KANK2: variants seen among roughly 807,000 people sequenced by gnomAD.
The protein encoded by KANK2 is KN motif and ankyrin repeat domain-containing protein 2.
In KANK2, 41 loss-of-function variants were observed where a neutral mutation model predicts 74.6. The observed-to-expected ratio is 0.55, with a 90% CI of 0.43 to 0.71. KANK2 has a LOEUF of 0.71. KANK2 is among the 30% of genes least tolerant of loss of function. The probability of loss-of-function intolerance (pLI) is 0.00; values close to 1 mark genes in which losing one functional copy is unlikely to be tolerated. For synonymous variants in KANK2, 537 were observed against 519.0 expected, an observed-to-expected ratio of 1.03 and a Z score of -0.47; for missense variants, 1,148 against 1,196.4, an observed-to-expected ratio of 0.96 and a Z score of 0.60.
At chr19:11,180,142 C>T (rs138916870) in intron 4 of KANK2, among the ~76,000 whole-genome samples, 181 of 152,284 alleles carry the variant, frequency 1.2e-3, no homozygotes, top group Admixed American at 2.0e-3. Flanking sequence ...GGAGCAGCAC[C>T]GCCCAGCCCA....
At chr19:11,173,219 T>C (rs1600808332) in intron 9 of KANK2, 96 bp from the exon 10 acceptor site, 1 of 1,330,214 alleles carries the variant, frequency 7.5e-7, no homozygotes, top group South Asian at 1.5e-5. Context: ...AGTCTAGGCA[T>C]GCCCTAATCC....
At chr19:11,179,445 T>C (rs2078447707) in intron 4 of KANK2, among the ~76,000 whole-genome samples, 1 of 151,548 alleles carries the variant, frequency 6.6e-6, no homozygotes, top group South Asian at 2.1e-4. Context: ...AAGACCAGCC[T>C]GGCCAACATG....
chr19:11,179,226 G>A (rs908292569), intron 4 of KANK2, among the ~76,000 whole-genome samples: 2 of 151,634 alleles, frequency 1.3e-5, no homozygotes, highest in African/African-American at 4.9e-5. Flanking sequence ...TGAGGCAGGA[G>A]AATTGCTTGA....
rs867074603 is a variant in KANK2, at chr19:11,193,856, C to T, written c.224G>A (p.Arg75His). The part of the protein sequence containing the change: ...QRRPRLSSLP[R>H]GPGSWWTSTE... ...GGACGTCCACCAGGAGCCAGGGCCA[C>T]GGGGCAGCGAGCTCAGGCGGGGGCG... is the stretch of plus-strand genomic sequence containing the variant. Residue 75 changes from arginine (R) to histidine (H), a missense_variant, in exon 4 of 13, where the codon CGT becomes CAT. Transcript: ENST00000586659. This position sits in a 1 kb window ranked among gnomAD's most constrained non-coding sequence, Gnocchi z 9.6. 40 of 1,612,660 alleles carry T rather than the reference C, an allele frequency of 2.5e-5. No individual in the cohort carries two copies. The highest frequency in any genetic ancestry group is 4.4e-5 in the South Asian group (4 of 91,046).
At chr19:11,196,581 C>T (rs1212415358) in intron 1 of KANK2, 3 of 152,198 alleles carry the variant, frequency 2.0e-5, no homozygotes, top group African/African-American at 7.2e-5. Flanking sequence ...TATCTCTACC[C>T]GTTTCCCAGA....
In KANK2 at chr19:11,178,456, G is replaced by A. The variant is rs1214520511; in HGVS notation, c.1418-9C>T. 2 of 1,599,046 alleles carry A rather than the reference G, an allele frequency of 1.3e-6. No individual in the cohort carries two copies. Among genetic ancestry groups the A allele is most frequent in the Non-Finnish European group, 1.7e-6 (2 of 1,174,606 alleles). ...GCCTGCCGGGGGCCCGCCTGGAGGG[G>A]AGGACAGCGGAGGTGCTGTGAGAGT... On this transcript the variant is annotated splice_polypyrimidine_tract_variant and intron_variant, in intron 5 of 12. Coordinates refer to ENST00000586659, the MANE Select transcript of KANK2 (RefSeq NM_001136191.3).
At chr19:11,179,044 G>A (rs145794881) in intron 4 of KANK2, among the ~76,000 whole-genome samples, 2,198 of 152,208 alleles carry the variant, frequency 0.014, 48 homozygotes, top group African/African-American at 0.049. Context: ...GGCCGGGCAC[G>A]GTGACTCATG....
intron 4 of KANK2, 29 bp downstream of exon 4, chr19:11,192,802 T>G (rs369287100): frequency 5.7e-5 from 74 of 1,287,670 alleles, no homozygotes; most frequent in Middle Eastern, 2.0e-4. Context: ...CCCCAAGCCA[T>G]TCTCCCCTGC....
At chr19:11,179,543 CAGG>C (rs2078451160) in intron 4 of KANK2, among the ~76,000 whole-genome samples, 1 of 150,578 alleles carries the variant, frequency 6.6e-6, no homozygotes, top group Non-Finnish European at 1.5e-5. Flanking sequence ...GAGGCTGAGG[CAGG>C]AGAATTGCTT....
Position 11,193,850 on chromosome 19 carries a change from G to A in KANK2, c.230C>T (p.Pro77Leu). The A allele has an allele frequency of 1.2e-6, 2 of 1,612,790 alleles. No individual in the cohort carries two copies. Among genetic ancestry groups the A allele is most frequent in the Non-Finnish European group, 1.7e-6 (2 of 1,179,536 alleles). ...RPRLSSLPRG[P>L]GSWWTSTESL... ...CTCAGTGGACGTCCACCAGGAGCCA[G>A]GGCCACGGGGCAGCGAGCTCAGGCG... Residue 77 changes from proline (P) to leucine (L), a missense_variant, in exon 4 of 13, where the codon CCT (proline) becomes CTT (leucine). Transcript: ENST00000586659. The surrounding 1 kb of genome is among the most constrained non-coding windows in gnomAD (Gnocchi z 9.6).
At chr19:11,179,738 G>A (rs1011801650) in intron 4 of KANK2, among the ~76,000 whole-genome samples, 8 of 152,164 alleles carry the variant, frequency 5.3e-5, no homozygotes, top group African/African-American at 1.4e-4. Flanking sequence ...GTTGGTCTGA[G>A]GACAAAGGTG....
chr19:11,192,846 A>G lies in KANK2; in HGVS notation c.1234T>C (p.Cys412Arg), dbSNP rs1212246568. The G allele has an allele frequency of 1.3e-6, 2 of 1,551,158 alleles. No individual in the cohort carries two copies. The highest frequency in any genetic ancestry group is 1.4e-5 in the African/African-American group (1 of 71,600). Residue 412 changes from cysteine to arginine, a missense_variant, in exon 4 of 13, where the codon TGC becomes CGC. Coordinates refer to ENST00000586659, the MANE Select transcript of KANK2 (RefSeq NM_001136191.3). ...VKKISITERS[C>R]DGAAGLPEVP... ...GACCGCTTACCTGCTGCTCCATCGC[A>G]GCTTCGCTCTGTGATGCTAATCTTC...
intron 12 of KANK2, chr19:11,169,585 G>C (rs1312627346): frequency 7.5e-6 from 4 of 531,150 alleles, no homozygotes; most frequent in Non-Finnish European, 1.3e-5. Flanking sequence ...GGTGGATCAC[G>C]AGGTCAGGAG....
chr19:11,174,720 G>A (rs1431413632), intron 8 of KANK2, 28 bp from the exon 9 acceptor site: 3 of 1,545,070 alleles, frequency 1.9e-6, no homozygotes, highest in Admixed American at 1.9e-5. Flanking sequence ...GGGAGAGGAT[G>A]TGAGGGCGGG....
At chr19:11,172,927 A>G in intron 10 of KANK2, 54 bp downstream of exon 10, 3 of 1,584,682 alleles carry the variant, frequency 1.9e-6, no homozygotes, top group Non-Finnish European at 2.6e-6. Context: ...CTCAGCTGGG[A>G]TGTCATAAAG....
chr19:11,183,583 G>A (rs1239711251), intron 4 of KANK2, among the ~76,000 whole-genome samples: 3 of 152,218 alleles, frequency 2.0e-5, no homozygotes, highest in East Asian at 1.9e-4. Flanking sequence ...CGAACTCCTC[G>A]GCTCAAGTGA....
In KANK2 at chr19:11,176,712, G is replaced by A. The variant is rs373878612; in HGVS notation, c.1626C>T (p.Ala542=). 7 of 1,612,184 alleles carry A rather than the reference G, an allele frequency of 4.3e-6. No individual in the cohort carries two copies. The East Asian group carries it at 6.7e-5, about 15-fold the overall frequency. ...PEPRERVPSV[A]EAPQLRPAGT... is the part of the protein sequence containing the mutation. Reference sequence around the variant, plus strand: ...CTGCAGGCCTGAGCTGGGGGGCTTCGGCCACACTCGGAACCCTCTCCCTCG... The same window carrying A: ...CTGCAGGCCTGAGCTGGGGGGCTTCAGCCACACTCGGAACCCTCTCCCTCG... The change falls in exon 7 of 13, where the codon GCC becomes GCT. Residue 542 remains alanine (A), a synonymous_variant. Transcript: ENST00000586659.
In KANK2 at chr19:11,166,328, G is replaced by A. The variant is rs542847005; in HGVS notation, c.*230C>T. The A allele has an allele frequency of 1.1e-4, 59 of 524,044 alleles. No homozygotes were observed. The highest frequency in any genetic ancestry group is 8.9e-4 in the African/African-American group (46 of 51,686). 32.5% of individuals were successfully genotyped at this position (524,044 alleles called of 1,614,324 possible). On this transcript the variant is annotated 3_prime_UTR_variant, in exon 13 of 13. Transcript: ENST00000586659. ...CCAATGTATACAAGAATTTTGCTTC[G>A]GTCTGCGCTGTGGCCACTTTGAACA...
rs967378993 is a variant in KANK2 at position 11,193,221 on chromosome 19, C to G, written c.859G>C (p.Ala287Pro). Residue 287 changes from alanine to proline, a missense_variant, in exon 4 of 13, where the codon GCC becomes CCC. Transcript: ENST00000586659. This position sits in a 1 kb window ranked among gnomAD's most constrained non-coding sequence, Gnocchi z 9.6. The stretch of plus-strand genomic sequence containing the variant: ...TGGGTCTCCAGCACAGCGACCTTGG[C>G]GGCGAGGGCAGCCTCCCCATCAGGC... ...GMPDGEAALA[A>P]KVAVLETQLK... The G allele has an allele frequency of 1.2e-6, 2 of 1,609,404 alleles. No individual in the cohort carries two copies. Among genetic ancestry groups the G allele is most frequent in the Non-Finnish European group, 1.7e-6 (2 of 1,179,796 alleles).
Sources: gnomAD v4.1 joint callset for allele counts (sites outside exome capture counted in the v4.1 genomes callset) on GRCh38, gnomAD v4.1.1 for gene constraint, Gnocchi (gnomAD v3.1) non-coding constraint, MANE v1.5 for transcripts, NCBI Gene and HGNC (gene_info 2026-07-23, HGNC 2026-07-21) for gene names.